Variants in COL11A1 observed in about 807,000 individuals in gnomAD.
The protein encoded by COL11A1 is collagen type XI alpha 1 chain, also known as collagen alpha-1(XI) chain.
In COL11A1, 74 loss-of-function variants were observed where a neutral mutation model predicts 265.2. That is an observed-to-expected ratio of 0.28 (90% CI 0.23 to 0.34). The LOEUF (loss-of-function observed/expected upper bound fraction) is 0.34. Ranked by LOEUF, COL11A1 falls within the 10% of genes least tolerant of loss-of-function variation. COL11A1 has a pLI of 1.00. For missense variants in COL11A1, 2,165 were observed against 2,263.6 expected (o/e 0.96, Z 0.88); for synonymous variants, 816 against 727.6 (o/e 1.12, Z -1.96).
intron 31 of COL11A1, 69 bp downstream of exon 31, chr1:102,984,069 A>T: frequency 9.4e-7 from 1 of 1,060,574 alleles, no homozygotes; most frequent in Non-Finnish European, 1.4e-6. Context: ...ACAAATTGTA[A>T]GGTAATCATA....
intron 36 of COL11A1, among the ~76,000 whole-genome samples, chr1:102,974,460 T>C (rs1160544682): frequency 2.0e-5 from 3 of 152,106 alleles, no homozygotes; most frequent in Admixed American, 1.3e-4. Context: ...AAGTGATATT[T>C]GAAGAAGGTT....
chr1:103,050,873 C>T (rs1211560486), intron 4 of COL11A1, among the ~76,000 whole-genome samples: 4 of 152,316 alleles, frequency 2.6e-5, no homozygotes, highest in African/African-American at 7.2e-5. Flanking sequence ...CCACTCCAGA[C>T]ACTGTTTGCC....
chr1:102,886,270 T>G (rs1260481097), intron 63 of COL11A1, among the ~76,000 whole-genome samples: 2 of 152,170 alleles, frequency 1.3e-5, no homozygotes. Flanking sequence ...GTAAGTAAGC[T>G]ATTCACAGCT....
chr1:103,047,903 C>A (rs1386630884), intron 4 of COL11A1, among the ~76,000 whole-genome samples: 1 of 152,018 alleles, frequency 6.6e-6, no homozygotes, highest in East Asian at 1.9e-4. Flanking sequence ...GCTGGATTAC[C>A]TTTATTGATT....
intron 54 of COL11A1, among the ~76,000 whole-genome samples, chr1:102,911,401 C>T (rs1029433611): frequency 5.3e-5 from 8 of 152,082 alleles, no homozygotes; most frequent in African/African-American, 1.9e-4. Context: ...CCCAATTGCC[C>T]TGTGACTTTG....
intron 7 of COL11A1, among the ~76,000 whole-genome samples, chr1:103,023,745 A>C (rs1188928507): frequency 3.9e-5 from 6 of 152,222 alleles, no homozygotes; most frequent in African/African-American, 1.4e-4. Flanking sequence ...GTCTCATCCC[A>C]TAAATAAAAT....
At chr1:103,065,380 C>A (rs1310248026) in intron 4 of COL11A1, among the ~76,000 whole-genome samples, 1 of 151,480 alleles carries the variant, frequency 6.6e-6, no homozygotes, top group Non-Finnish European at 1.5e-5. Flanking sequence ...ATTAGCCGGG[C>A]GTGTTGGCAG....
At chr1:102,913,773 G>T in intron 52 of COL11A1, 83 bp from the exon 53 acceptor site, 1 of 1,207,170 alleles carries the variant, frequency 8.3e-7, no homozygotes, top group Non-Finnish European at 1.2e-6. Context: ...AGTATGTTAG[G>T]CCATCTCTTG....
At chr1:102,947,102 A>G (rs1014915456) in intron 41 of COL11A1, 146 bp from the exon 42 acceptor site, 3 of 742,430 alleles carry the variant, frequency 4.0e-6, no homozygotes, top group Non-Finnish European at 6.9e-6. Context: ...CCCAAAGAGA[A>G]ACAGTTGAAT....
chr1:103,057,775 G>A (rs537954889), intron 4 of COL11A1, among the ~76,000 whole-genome samples: 17 of 152,230 alleles, frequency 1.1e-4, no homozygotes, highest in South Asian at 1.0e-3. Flanking sequence ...ACAACTGTAG[G>A]CTTAAAATAT....
In COL11A1 at chr1:102,962,391, G is replaced by A. The variant is rs114841923; in HGVS notation, c.3025-126C>T. On this transcript the variant is annotated intron_variant, in intron 39 of 66. Coordinates refer to ENST00000370096, the MANE Select transcript of COL11A1 (RefSeq NM_001854.4). ...ATATTATTTAATGATGAGAATATTG[G>A]GTGGAATGCCATATGCATTAAAATG... 3.5e-4 allele frequency: 289 copies of A among 822,634 alleles called. 1 individual carries two copies. The African/African-American group carries it at 4.4e-3, about 13-fold the overall frequency. The allele number at this position is 822,634 out of a possible 1,614,324, so 51.0% of individuals were successfully genotyped here. A position where few individuals can be genotyped will look rare whatever the true frequency, so the allele number is the denominator to read the frequency against.
intron 31 of COL11A1, among the ~76,000 whole-genome samples, chr1:102,982,108 A>G (rs1184606340): frequency 6.6e-6 from 1 of 151,926 alleles, no homozygotes; most frequent in East Asian, 1.9e-4. Flanking sequence ...AAGCTTTTTG[A>G]TCATAGAAAT....
chr1:102,942,253 AG>A (rs1440449031), intron 42 of COL11A1, among the ~76,000 whole-genome samples: 1 of 152,156 alleles, frequency 6.6e-6, no homozygotes, highest in East Asian at 1.9e-4. Flanking sequence ...AAACTCTAAA[AG>A]TCAATCCTTT....
intron 4 of COL11A1, among the ~76,000 whole-genome samples, chr1:103,067,173 C>T (rs530624155): frequency 6.6e-6 from 1 of 151,950 alleles, no homozygotes; most frequent in African/African-American, 2.4e-5. Context: ...AAGTCTGCAT[C>T]GAACAATTTC....
chr1:103,026,016 C>T lies in COL11A1; in HGVS notation c.897+200G>A, dbSNP rs12750147. 98,927 of 1,525,910 alleles carry T rather than the reference C, an allele frequency of 0.065. 3,520 individuals carry two copies. The highest frequency in any genetic ancestry group is 0.12 in the African/African-American group (8,496 of 73,028). The allele number at this position is 1,525,910 out of a possible 1,614,324, so 94.5% of individuals were successfully genotyped here. A position where few individuals can be genotyped will look rare whatever the true frequency, so the allele number is the denominator to read the frequency against. On this transcript the variant is annotated intron_variant, in intron 6 of 66. Transcript: ENST00000370096. ...TAAACGAGGAGGGAAATATAGAGCA[C>T]AGATGAAAGGAAGGCTAAGCAAAAG... is the stretch of plus-strand genomic sequence containing the variant.
At chr1:102,984,078 T>C in intron 31 of COL11A1, 60 bp downstream of exon 31, 3 of 1,136,700 alleles carry the variant, frequency 2.6e-6, no homozygotes, top group Non-Finnish European at 4.0e-6. Context: ...AAGGTAATCA[T>C]AAGTGATTAA....
intron 13 of COL11A1, among the ~76,000 whole-genome samples, chr1:103,013,236 G>A (rs1160201834): frequency 6.6e-6 from 1 of 151,866 alleles, no homozygotes; most frequent in African/African-American, 2.4e-5. Flanking sequence ...TTAGAAAAGT[G>A]CACGAGATGA....
chr1:102,946,821 A>C, intron 42 of COL11A1, 28 bp downstream of exon 42: 1 of 1,531,000 alleles, frequency 6.5e-7, no homozygotes, highest in Non-Finnish European at 9.0e-7. Context: ...GTAGCAGCAT[A>C]ATATATTTTC....
chr1:102,998,429 T>C (rs1664831270), intron 24 of COL11A1, 66 bp from the exon 25 acceptor site: 6 of 1,085,456 alleles, frequency 5.5e-6, no homozygotes, highest in South Asian at 5.2e-5. Flanking sequence ...CGTGTACATA[T>C]ACTATGAATG....
Sources: allele counts gnomAD v4.1 joint callset (sites outside exome capture counted in the v4.1 genomes callset), GRCh38; gene constraint gnomAD v4.1.1; transcripts MANE v1.5; gene names NCBI Gene and HGNC (gene_info 2026-07-23, HGNC 2026-07-21).